The following SPSB4 variants were observed in gnomAD, a reference collection of about 807,000 sequenced individuals.
SPSB4 encodes SPRY domain-containing SOCS box protein 4.
Under a neutral mutation model 20.9 loss-of-function variants are expected in SPSB4, and 21 were observed. The observed-to-expected ratio is 1.01, with a 90% confidence interval of 0.71 to 1.45. The LOEUF (loss-of-function observed/expected upper bound fraction) is 1.45, where lower values mean the gene tolerates loss of function less well. Ranked by LOEUF, SPSB4 falls within the 40% of genes most tolerant of loss-of-function variation. The probability of loss-of-function intolerance (pLI) is 0.00; values close to 1 mark genes in which losing one functional copy is unlikely to be tolerated. For missense variants in SPSB4, 399 were observed against 399.2 expected (o/e 1.00, Z 0.00); for synonymous variants, 207 against 183.8 (o/e 1.13, Z -1.02).
chr3:141,143,223 C>T (rs1939365689), intron 2 of SPSB4, among the ~76,000 whole-genome samples: 1 of 152,198 alleles, frequency 6.6e-6, no homozygotes, highest in Non-Finnish European at 1.5e-5. Flanking sequence ...ATATCTCTTT[C>T]CCCACTTTAC....
At chr3:141,056,839 G>T (rs896827188) in intron 1 of SPSB4, among the ~76,000 whole-genome samples, 3 of 152,256 alleles carry the variant, frequency 2.0e-5, no homozygotes, top group African/African-American at 7.2e-5. Flanking sequence ...GGCTGGCCCG[G>T]ACTGCACGTG....
chr3:141,052,560 C>G (rs1936112629), intron 1 of SPSB4, among the ~76,000 whole-genome samples: 1 of 152,140 alleles, frequency 6.6e-6, no homozygotes. Context: ...TCCTGGGGGT[C>G]TGTTCGTCCG....
At chr3:141,102,148 G>A (rs973918940) in intron 2 of SPSB4, among the ~76,000 whole-genome samples, 1 of 152,216 alleles carries the variant, frequency 6.6e-6, no homozygotes, top group Non-Finnish European at 1.5e-5. Flanking sequence ...GCAAGAAATC[G>A]GAGTTATGAG....
intron 2 of SPSB4, among the ~76,000 whole-genome samples, chr3:141,125,919 CAT>C (rs1238206632): frequency 5.9e-5 from 9 of 152,308 alleles, no homozygotes; most frequent in Admixed American, 5.9e-4. Context: ...AGAGGAGAAT[CAT>C]ATTGGATCCT....
At chr3:141,087,546 C>T (rs1249016473) in intron 2 of SPSB4, among the ~76,000 whole-genome samples, 3 of 152,230 alleles carry the variant, frequency 2.0e-5, no homozygotes, top group Admixed American at 2.0e-4. Flanking sequence ...GGCACTGTGG[C>T]AGCTGCTTTA....
In SPSB4 at chr3:141,065,212, G is replaced by A. The variant is rs767899392; in HGVS notation, c.-153-740G>A. Among the ~76,000 whole-genome samples the A allele has an allele frequency of 4.6e-5, 7 of 152,114 alleles. No homozygotes were observed. In the East Asian group the frequency reaches 7.7e-4, roughly 17 times the overall value. ...TGTCTGGCTCCAGAGCCTGGACACC[G>A]GCTCCCTTATCCTTCCTCCTCACCT... is the stretch of plus-strand genomic sequence containing the variant. On this transcript the variant is annotated intron_variant, in intron 1 of 2. Coordinates refer to ENST00000310546, the MANE Select transcript of SPSB4 (RefSeq NM_080862.3).
chr3:141,084,022 A>G (rs776383584), intron 2 of SPSB4, among the ~76,000 whole-genome samples: 15 of 152,110 alleles, frequency 9.9e-5, no homozygotes, highest in Non-Finnish European at 2.2e-4. Flanking sequence ...CTTTGGCGTC[A>G]TCATCTGTAG....
At chr3:141,063,127 A>T (rs934459326) in intron 1 of SPSB4, among the ~76,000 whole-genome samples, 2 of 152,214 alleles carry the variant, frequency 1.3e-5, no homozygotes, top group African/African-American at 4.8e-5. Flanking sequence ...TCTCACTTAA[A>T]ACCTTTTGTC....
chr3:141,070,894 T>C (rs1272950822), intron 2 of SPSB4, among the ~76,000 whole-genome samples: 2 of 152,120 alleles, frequency 1.3e-5, no homozygotes, highest in Non-Finnish European at 2.9e-5. Context: ...AGGGAGAGAA[T>C]GCGCAGGAGC....
At chr3:141,092,141 G>A (rs938781392) in intron 2 of SPSB4, among the ~76,000 whole-genome samples, 1 of 152,190 alleles carries the variant, frequency 6.6e-6, no homozygotes, top group African/African-American at 2.4e-5. Context: ...TCAAATCTCA[G>A]CTTCCTTTAT....
intron 2 of SPSB4, among the ~76,000 whole-genome samples, chr3:141,108,619 AT>A (rs1938737528): frequency 6.6e-6 from 1 of 152,248 alleles, no homozygotes; most frequent in African/African-American, 2.4e-5. Flanking sequence ...GACCGAGGCC[AT>A]GCCTCAAAGA....
chr3:141,147,190 C>G lies in SPSB4; in HGVS notation c.743C>G (p.Ala248Gly). 6.2e-7 allele frequency: 1 copy of G among 1,614,216 alleles called. No homozygotes were observed. The highest frequency in any genetic ancestry group is 8.5e-7 in the Non-Finnish European group (1 of 1,180,028). ...CTGTGCCGGAGATCCATCCGCTCGG[C>G]CCTGGGCCGCCAGCGCCTGCAGGAC... ...MDLCRRSIRS[A>G]LGRQRLQDIS... is the part of the protein sequence containing the mutation. Residue 248 changes from alanine to glycine, a missense_variant, in exon 3 of 3, where the codon GCC (alanine) becomes GGC (glycine). Transcript: ENST00000310546.
intron 2 of SPSB4, among the ~76,000 whole-genome samples, chr3:141,112,756 T>C (rs1938823260): frequency 6.6e-6 from 1 of 151,804 alleles, no homozygotes; most frequent in Non-Finnish European, 1.5e-5. Flanking sequence ...AGATGGGTTA[T>C]TGGGTGCCAG....
chr3:141,057,775 G>A (rs371880775), intron 1 of SPSB4, among the ~76,000 whole-genome samples: 5 of 152,308 alleles, frequency 3.3e-5, no homozygotes, highest in Admixed American at 2.6e-4. Flanking sequence ...GAGCAGGAGC[G>A]TGATTAGATC....
chr3:141,122,592 C>T (rs998086949), intron 2 of SPSB4, among the ~76,000 whole-genome samples: 3 of 152,336 alleles, frequency 2.0e-5, no homozygotes, highest in African/African-American at 7.2e-5. Context: ...ATTTGAGCTT[C>T]CCAGCCTCTT....
chr3:141,135,403 T>A (rs936279840), intron 2 of SPSB4, among the ~76,000 whole-genome samples: 9 of 151,928 alleles, frequency 5.9e-5, no homozygotes, highest in Admixed American at 5.9e-4. Context: ...CGTGCAGGTT[T>A]GTTACATATG....
At chr3:141,140,404 G>A (rs182651222) in intron 2 of SPSB4, among the ~76,000 whole-genome samples, 5 of 152,150 alleles carry the variant, frequency 3.3e-5, no homozygotes, top group Admixed American at 1.3e-4. Context: ...GAGGAGAGGC[G>A]CTCTGAGTTT....
intron 2 of SPSB4, among the ~76,000 whole-genome samples, chr3:141,127,061 C>A (rs1405265432): frequency 6.6e-6 from 1 of 152,242 alleles, no homozygotes; most frequent in Non-Finnish European, 1.5e-5. Flanking sequence ...GAAGACCCAA[C>A]AGTGGTCCAG....
intron 1 of SPSB4, among the ~76,000 whole-genome samples, chr3:141,058,721 G>C (rs1317085088): frequency 6.6e-6 from 1 of 152,134 alleles, no homozygotes; most frequent in Non-Finnish European, 1.5e-5. Flanking sequence ...TGTTCACTAA[G>C]CATTTTTTGA....
Sources: allele counts gnomAD v4.1 joint callset (sites outside exome capture counted in the v4.1 genomes callset), GRCh38; gene constraint gnomAD v4.1.1; transcripts MANE v1.5; gene names NCBI Gene and HGNC (gene_info 2026-07-23, HGNC 2026-07-21).